Variants in ADAMTSL1 observed in about 807,000 individuals in gnomAD.
ADAMTSL1 encodes ADAMTS like 1.
ADAMTSL1 carries 126 observed loss-of-function variants against 201.8 expected under a neutral mutation model. That is an observed-to-expected ratio of 0.62 (90% CI 0.54 to 0.72). The LOEUF is 0.72. Among genes scored for constraint, ADAMTSL1 ranks in the 30% least tolerant of loss-of-function variants. The pLI, the probability that ADAMTSL1 is intolerant of heterozygous loss-of-function variation, is 0.00. For missense variants in ADAMTSL1, 2,679 were observed against 2,277.8 expected, an observed-to-expected ratio of 1.18 and a Z score of -3.59; for synonymous variants, 1,121 against 903.4, an observed-to-expected ratio of 1.24 and a Z score of -4.32.
chr9:18,109,187 T>C (rs1288112744), intron 1 of ADAMTSL1, among the ~76,000 whole-genome samples: 1 of 152,208 alleles, frequency 6.6e-6, no homozygotes, highest in Admixed American at 6.5e-5. Flanking sequence ...ATTCTAATAA[T>C]CTTTCCTCCT....
intron 2 of ADAMTSL1, among the ~76,000 whole-genome samples, chr9:18,283,091 A>G (rs1021238909): frequency 1.2e-4 from 19 of 152,160 alleles, no homozygotes; most frequent in Admixed American, 1.0e-3. Flanking sequence ...TTTCTTTTCA[A>G]TCTTAATTTT....
intron 2 of ADAMTSL1, among the ~76,000 whole-genome samples, chr9:18,350,012 T>C (rs539191135): frequency 1.3e-5 from 2 of 151,916 alleles, no homozygotes; most frequent in Middle Eastern, 3.2e-3. Flanking sequence ...CAATGTGTTG[T>C]TGGCCTGCAG....
intron 14 of ADAMTSL1, among the ~76,000 whole-genome samples, chr9:18,712,673 C>A (rs1378608359): frequency 1.3e-5 from 2 of 151,026 alleles, no homozygotes; most frequent in African/African-American, 4.9e-5. Flanking sequence ...GGAAAACACT[C>A]TGCAGGATAT....
At chr9:17,978,048 A>G (rs1195751761) in intron 1 of ADAMTSL1, among the ~76,000 whole-genome samples, 1 of 152,032 alleles carries the variant, frequency 6.6e-6, no homozygotes, top group Non-Finnish European at 1.5e-5. Context: ...TAAAAAAATT[A>G]TATGTGAACT....
intron 20 of ADAMTSL1, among the ~76,000 whole-genome samples, chr9:18,807,612 C>G (rs927228671): frequency 2.0e-5 from 3 of 149,860 alleles, no homozygotes; most frequent in Non-Finnish European, 4.4e-5. Context: ...CACCACTGCA[C>G]TCCAGCCAGG....
chr9:18,388,973 T>G (rs1001837054), intron 2 of ADAMTSL1, among the ~76,000 whole-genome samples: 14 of 152,198 alleles, frequency 9.2e-5, no homozygotes, highest in Admixed American at 7.2e-4. Context: ...GCTAGACTTG[T>G]CTTGAACTCC....
intron 2 of ADAMTSL1, among the ~76,000 whole-genome samples, chr9:18,394,263 G>T (rs1817656535): frequency 6.6e-6 from 1 of 152,150 alleles, no homozygotes; most frequent in Non-Finnish European, 1.5e-5. Context: ...CAAGTTGATT[G>T]TTAAAAATAG....
intron 3 of ADAMTSL1, among the ~76,000 whole-genome samples, chr9:18,565,044 G>C (rs991858439): frequency 6.6e-6 from 1 of 152,166 alleles, no homozygotes; most frequent in Non-Finnish European, 1.5e-5. Flanking sequence ...TTTTTACTTA[G>C]ATCAACTCTC....
At position 18,777,114 on chromosome 9, in the gene ADAMTSL1, G is replaced by T; in HGVS notation, c.2885G>T (p.Gly962Val). ...GAGCACTTTGTGATTAAGCTCATCG[G>T]AGGCAACCGCAAGCTCGTGGCCCGG... The part of the protein sequence containing the change: ...AREHFVIKLI[G>V]GNRKLVARPL... The change falls in exon 19 of 29, where the codon GGA becomes GTA. Residue 962 changes from glycine to valine, a missense_variant. Coordinates refer to ENST00000380548, the MANE Select transcript of ADAMTSL1 (RefSeq NM_001040272.6). 1.9e-6 allele frequency: 3 copies of T among 1,613,074 alleles called. No individual in the cohort carries two copies. Among genetic ancestry groups the T allele is most frequent in the Non-Finnish European group, 2.5e-6 (3 of 1,179,824 alleles).
chr9:17,945,931 C>G (rs989189049), intron 1 of ADAMTSL1, among the ~76,000 whole-genome samples: 2 of 151,608 alleles, frequency 1.3e-5, no homozygotes, highest in Non-Finnish European at 2.9e-5. Flanking sequence ...CTAACCTGCA[C>G]ATGGTGCACA....
intron 15 of ADAMTSL1, among the ~76,000 whole-genome samples, chr9:18,724,741 A>G (rs777243700): frequency 1.3e-5 from 2 of 152,176 alleles, no homozygotes; most frequent in Non-Finnish European, 2.9e-5. Context: ...ATTTATAGGT[A>G]GCAATGTTTG....
intron 2 of ADAMTSL1, among the ~76,000 whole-genome samples, chr9:18,417,654 A>G (rs1010275053): frequency 1.3e-5 from 2 of 152,136 alleles, no homozygotes; most frequent in Admixed American, 1.3e-4. Flanking sequence ...CTAGCAAACC[A>G]CAAACAACCA....
intron 2 of ADAMTSL1, among the ~76,000 whole-genome samples, chr9:18,280,665 G>A (rs1378760996): frequency 1.3e-5 from 2 of 151,946 alleles, no homozygotes; most frequent in Admixed American, 6.6e-5. Flanking sequence ...TAATTATTTG[G>A]CATTATAAAT....
intron 2 of ADAMTSL1, among the ~76,000 whole-genome samples, chr9:18,528,276 C>T (rs1819220739): frequency 6.6e-6 from 1 of 152,028 alleles, no homozygotes; most frequent in African/African-American, 2.4e-5. Context: ...TGGTAGTTTG[C>T]TGCACAGATC....
intron 1 of ADAMTSL1, among the ~76,000 whole-genome samples, chr9:17,982,838 T>C (rs984490212): frequency 6.6e-6 from 1 of 151,992 alleles, no homozygotes; most frequent in African/African-American, 2.4e-5. Context: ...TCTCAGCTTA[T>C]TATCACTTAT....
chr9:18,215,609 G>T (rs1336896394), intron 2 of ADAMTSL1, among the ~76,000 whole-genome samples: 1 of 152,130 alleles, frequency 6.6e-6, no homozygotes, highest in African/African-American at 2.4e-5. Flanking sequence ...TGTCATAGAG[G>T]TATATTTGTC....
At chr9:18,092,020 A>G (rs1824043577) in intron 1 of ADAMTSL1, among the ~76,000 whole-genome samples, 1 of 152,026 alleles carries the variant, frequency 6.6e-6, no homozygotes, top group Admixed American at 6.6e-5. Flanking sequence ...GTAATTTGAT[A>G]TTTCCTCTGA....
intron 2 of ADAMTSL1, among the ~76,000 whole-genome samples, chr9:18,437,067 AGGAT>A (rs1187170953): frequency 4.0e-5 from 6 of 151,360 alleles, no homozygotes; most frequent in Non-Finnish European, 7.4e-5. Flanking sequence ...GTCACCATCT[AGGAT>A]GGTTGTAATC....
chr9:18,198,455 A>T (rs2132262322), intron 2 of ADAMTSL1, among the ~76,000 whole-genome samples: 1 of 150,110 alleles, frequency 6.7e-6, no homozygotes, highest in East Asian at 1.9e-4. Flanking sequence ...GAAGGACATG[A>T]ACAGACACTT....
Sources: allele counts gnomAD v4.1 joint callset (sites outside exome capture counted in the v4.1 genomes callset), GRCh38; gene constraint gnomAD v4.1.1; transcripts MANE v1.5; gene names NCBI Gene and HGNC (gene_info 2026-07-23, HGNC 2026-07-21).